The following KLHL5 variants were observed in gnomAD, a reference collection of about 807,000 sequenced individuals.
KLHL5 encodes kelch-like protein 5.
A neutral mutation model predicts 77.7 loss-of-function variants in KLHL5; 48 were observed. The observed-to-expected ratio is 0.62, with a 90% confidence interval of 0.49 to 0.79. The LOEUF is 0.79. Among genes scored for constraint, KLHL5 ranks in the 30% least tolerant of loss-of-function variants. The pLI is 0.00. For synonymous variants in KLHL5, 260 were observed against 297.0 expected (o/e 0.88, Z 1.28); for missense variants, 723 against 859.7 (o/e 0.84, Z 1.99).
chr4:39,056,186 A>G (rs1021870762), intron 1 of KLHL5, among the ~76,000 whole-genome samples: 2 of 152,220 alleles, frequency 1.3e-5, no homozygotes, highest in African/African-American at 4.8e-5. Flanking sequence ...GCAATGGCAC[A>G]GTCTTGGTTC....
intron 8 of KLHL5, 68 bp from the exon 9 acceptor site, chr4:39,112,949 TAAG>T: frequency 1.5e-6 from 2 of 1,345,862 alleles, no homozygotes; most frequent in Middle Eastern, 2.6e-4. Flanking sequence ...GATAACAACA[TAAG>T]AAGAGCCTCT....
At chr4:39,141,455 C>T in the KLHL5 span, among the ~76,000 whole-genome samples, 1 of 151,824 alleles carries the variant, frequency 6.6e-6, no homozygotes, top group Non-Finnish European at 1.5e-5. Flanking sequence ...ACTACAGGCG[C>T]CCGCCACCAC....
intron 2 of KLHL5, 141 bp from the exon 3 acceptor site, chr4:39,080,962 A>G: frequency 1.3e-6 from 1 of 743,950 alleles, no homozygotes; most frequent in Non-Finnish European, 2.1e-6. Context: ...GAACTAGAGC[A>G]TAAAGCAATT....
chr4:39,093,454 T>A (rs540054176), intron 5 of KLHL5: 1 of 455,860 alleles, frequency 2.2e-6, no homozygotes, highest in South Asian at 1.6e-5. Context: ...CTACAAATCA[T>A]TGAATTGTGT....
chr4:39,100,293 C>T (rs1332590359), intron 6 of KLHL5, among the ~76,000 whole-genome samples: 3 of 152,188 alleles, frequency 2.0e-5, no homozygotes, highest in Non-Finnish European at 4.4e-5. Context: ...TTCTCATTCT[C>T]TCTCTGTCTC....
chr4:39,107,658 G>T lies in KLHL5; in HGVS notation c.1615G>T (p.Ala539Ser). The change falls in exon 8 of 11, where the codon GCT (alanine) becomes TCT (serine). Residue 539 changes from alanine to serine, a missense_variant. Physicochemically the swap from Ala to Ser is moderately conservative, Grantham distance 99. This residue lies in a region of KLHL5 where 214 missense variants were observed against 237.4 expected (regional missense o/e 0.90). Transcript: ENST00000504108. The stretch of plus-strand genomic sequence containing the variant: ...CACAGTGGAAAGATGGGACCCTCAG[G>T]CTCGCCAGTGGAATTTTGTTGCCAC... The part of the protein sequence containing the change: ...LNTVERWDPQ[A>S]RQWNFVATMS... 1 of 1,612,678 alleles carries T rather than the reference G, an allele frequency of 6.2e-7. No homozygotes were observed. The highest frequency in any genetic ancestry group is 8.5e-7 in the Non-Finnish European group (1 of 1,178,962).
chr4:39,046,542 G>C (rs1407894585), intron 1 of KLHL5, among the ~76,000 whole-genome samples: 2 of 151,952 alleles, frequency 1.3e-5, no homozygotes, highest in African/African-American at 2.4e-5. Context: ...TGAGCTCAGG[G>C]GTTCAAGACC....
chr4:39,055,450 A>G (rs1269842970), intron 1 of KLHL5, among the ~76,000 whole-genome samples: 1 of 152,242 alleles, frequency 6.6e-6, no homozygotes, highest in East Asian at 1.9e-4. Context: ...ATCATAGATG[A>G]TGGATCATTG....
At chr4:39,075,345 AAAAAG>A (rs1029258197) in intron 1 of KLHL5, among the ~76,000 whole-genome samples, 15 of 152,094 alleles carry the variant, frequency 9.9e-5, no homozygotes, top group South Asian at 4.1e-4. Context: ...CAAAAAAAAA[AAAAAG>A]AAAGAAATCA....
chr4:39,113,156 G>A lies in KLHL5; in HGVS notation c.1825G>A (p.Gly609Arg). Residue 609 changes from glycine (G) to arginine (R), a missense_variant, in exon 9 of 11, where the codon GGA becomes AGA. Around this residue, in one of 3 missense-constraint regions of KLHL5, gnomAD observed 214 missense variants for 237.4 expected, o/e 0.90. Coordinates refer to ENST00000504108, the MANE Select transcript of KLHL5 (RefSeq NM_015990.5). ...TGGCGTAGGAGTGACGACCTGGAAT[G>A]GACTGCTGTATGCTATAGGGGGGCA... ...RGGVGVTTWN[G>R]LLYAIGGHDA... 1.2e-6 allele frequency: 2 copies of A among 1,614,134 alleles called. No homozygotes were observed. Among genetic ancestry groups the A allele is most frequent in the Non-Finnish European group, 1.7e-6 (2 of 1,180,008 alleles).
the KLHL5 span, among the ~76,000 whole-genome samples, chr4:39,132,556 C>A: frequency 6.6e-6 from 1 of 151,596 alleles, no homozygotes; most frequent in South Asian, 2.1e-4. Flanking sequence ...TGCAGTAAGC[C>A]GAGATCACCG....
At chr4:39,065,832 T>A (rs1024346271) in intron 1 of KLHL5, among the ~76,000 whole-genome samples, 1 of 152,216 alleles carries the variant, frequency 6.6e-6, no homozygotes, top group African/African-American at 2.4e-5. Context: ...ACCGTCATAA[T>A]ATTTACATGG....
At chr4:39,138,829 A>C in the KLHL5 span, among the ~76,000 whole-genome samples, 1 of 152,234 alleles carries the variant, frequency 6.6e-6, no homozygotes, top group Non-Finnish European at 1.5e-5. Flanking sequence ...ACGCATATAA[A>C]TATAAATAAA....
At chr4:39,070,732 CA>C (rs1718395063) in intron 1 of KLHL5, among the ~76,000 whole-genome samples, 2 of 152,136 alleles carry the variant, frequency 1.3e-5, no homozygotes, top group South Asian at 2.1e-4. Flanking sequence ...GGCACTATCC[CA>C]GGGGAAAAAC....
upstream of KLHL5, among the ~76,000 whole-genome samples, chr4:39,057,987 T>C (rs1048740402): frequency 6.6e-6 from 1 of 152,200 alleles, no homozygotes; most frequent in Non-Finnish European, 1.5e-5. Context: ...TAATACTGAA[T>C]AGTGTCATCT....
chr4:39,062,337 G>A lies in KLHL5; in HGVS notation c.-316G>A. ...TTTAATGAATGCTGTCAGTGTTTGTGAGACCTAATGGTCAGTATGGGAAAG... is the reference window on the plus strand; with the variant it reads ...TTTAATGAATGCTGTCAGTGTTTGTAAGACCTAATGGTCAGTATGGGAAAG... On this transcript the variant is annotated 5_prime_UTR_variant, in exon 1 of 11. Transcript: ENST00000504108. 7.1e-7 allele frequency: 1 copy of A among 1,412,778 alleles called. No individual in the cohort carries two copies. The highest frequency in any genetic ancestry group is 3.1e-5 in the Admixed American group (1 of 32,474). The allele number at this position is 1,412,778 out of a possible 1,614,324, so 87.5% of individuals were successfully genotyped here. A position where few individuals can be genotyped will look rare whatever the true frequency, so the allele number is the denominator to read the frequency against.
chr4:39,091,672 C>T (rs546563729), intron 5 of KLHL5, among the ~76,000 whole-genome samples: 1 of 150,630 alleles, frequency 6.6e-6, no homozygotes, highest in East Asian at 2.0e-4. Flanking sequence ...GATACTAAAA[C>T]AACTTTTTTT....
chr4:39,107,768 AC>A (rs1396756976), intron 8 of KLHL5, 37 bp downstream of exon 8: 3 of 1,504,860 alleles, frequency 2.0e-6, no homozygotes, highest in South Asian at 2.5e-5. Flanking sequence ...AAAATGCAAT[AC>A]ACCAAATTTA....
In KLHL5 at chr4:39,075,991, C is replaced by T. The variant is rs754378756; in HGVS notation, c.410C>T (p.Ser137Leu). 6.2e-7 allele frequency: 1 copy of T among 1,610,418 alleles called. No homozygotes were observed. Among genetic ancestry groups the T allele is most frequent in the Non-Finnish European group, 8.5e-7 (1 of 1,178,770 alleles). ...ACTTCCAATAGTAGTCAGACATTAT[C>T]ATCCTGTCATACTATGGAGCCATGT... Reference protein sequence around the residue: ...CRTSNSSQTLSSCHTMEPCTS... With the variant: ...CRTSNSSQTLLSCHTMEPCTS... The change falls in exon 2 of 11, where the codon TCA becomes TTA. Residue 137 changes from serine (S) to leucine (L), a missense_variant. Ser to Leu is a moderately radical substitution (Grantham distance 145). Coordinates refer to ENST00000504108, the MANE Select transcript of KLHL5 (RefSeq NM_015990.5).
Sources: gnomAD v4.1 joint callset for allele counts (sites outside exome capture counted in the v4.1 genomes callset) on GRCh38, gnomAD v4.1.1 for gene constraint, gnomAD v4.1.1 regional missense constraint, MANE v1.5 for transcripts, NCBI Gene and HGNC (gene_info 2026-07-23, HGNC 2026-07-21) for gene names.